Variants in GPC5 observed in about 807,000 individuals in gnomAD.
GPC5 encodes the protein glypican 5.
GPC5 carries 47 observed loss-of-function variants against 53.9 expected under a neutral mutation model. That is an observed-to-expected ratio of 0.87 (90% CI 0.69 to 1.11). The LOEUF (loss-of-function observed/expected upper bound fraction) is 1.11. Ranked by LOEUF, GPC5 falls within the 50% of genes most tolerant of loss-of-function variation. The pLI is 0.00. For missense variants in GPC5, 748 were observed against 713.1 expected (o/e 1.05, Z -0.56); for synonymous variants, 286 against 263.3 (o/e 1.09, Z -0.84).
chr13:92,294,826 CTTT>C (rs147963724), intron 7 of GPC5, among the ~76,000 whole-genome samples: 11,997 of 99,242 alleles, frequency 0.12, 621 homozygotes, highest in Middle Eastern at 0.19. Context: ...TTTTTTTTTT[CTTT>C]TTTTTTTTTT....
At chr13:92,378,326 C>A (rs1169363826) in intron 7 of GPC5, among the ~76,000 whole-genome samples, 2 of 152,102 alleles carry the variant, frequency 1.3e-5, no homozygotes, top group South Asian at 2.1e-4. Flanking sequence ...TTGTATTATA[C>A]AAAGGAGTCC....
intron 5 of GPC5, among the ~76,000 whole-genome samples, chr13:91,833,712 C>T (rs1425624636): frequency 6.6e-6 from 1 of 152,134 alleles, no homozygotes; most frequent in Non-Finnish European, 1.5e-5. Flanking sequence ...TAAAAACTCT[C>T]TCAATAAACT....
Position 92,079,549 on chromosome 13 carries a change from A to G in GPC5, c.1402-65281A>G, listed in dbSNP as rs146135805. Among the ~76,000 whole-genome samples, 8 of 152,310 alleles carry G rather than the reference A, an allele frequency of 5.3e-5. No individual in the cohort carries two copies. The East Asian group carries it at 1.4e-3, about 26-fold the overall frequency. On this transcript the variant is annotated intron_variant, in intron 6 of 7. Coordinates refer to ENST00000377067, the MANE Select transcript of GPC5 (RefSeq NM_004466.6). ...CATCGTGTGATTTAAATGCTCACAG[A>G]GTGGATTAACTCAGTGTCTGCCATG...
At chr13:92,044,484 T>G (rs527393995) in intron 6 of GPC5, among the ~76,000 whole-genome samples, 1 of 152,350 alleles carries the variant, frequency 6.6e-6, no homozygotes, top group East Asian at 1.9e-4. Context: ...TTAATCTGAA[T>G]GCTGGACAGT....
chr13:92,465,525 A>G (rs1878656941), intron 7 of GPC5, among the ~76,000 whole-genome samples: 1 of 152,046 alleles, frequency 6.6e-6, no homozygotes, highest in Non-Finnish European at 1.5e-5. Context: ...AAATTGGGTT[A>G]TCTATTATGC....
At chr13:92,114,891 A>G (rs1353679067) in intron 6 of GPC5, among the ~76,000 whole-genome samples, 3 of 152,176 alleles carry the variant, frequency 2.0e-5, no homozygotes, top group Non-Finnish European at 2.9e-5. Context: ...ATCTACCAAT[A>G]CGTTCTTGAG....
rs2042735493 is a variant in GPC5, at chr13:92,257,546, A to ATTTTTTTTTTTTTTTGTTTT, written c.1561+112572_1561+112573insGTTTTTTTTTTTTTTTTTTT. Reference sequence around the variant, plus strand: ...AGTGAGAGAGGTTTCTAATACAGGGATTTTTTTTTTTTTTTTTTTTTGGGG... The same window carrying ATTTTTTTTTTTTTTTGTTTT: ...AGTGAGAGAGGTTTCTAATACAGGGATTTTTTTTTTTTTTTGTTTTTTTTTTTTTTTTTTTTTTTTTGGGG... On this transcript the variant is annotated intron_variant, in intron 7 of 7. Coordinates refer to ENST00000377067, the MANE Select transcript of GPC5 (RefSeq NM_004466.6). Among the ~76,000 whole-genome samples the ATTTTTTTTTTTTTTTGTTTT allele has an allele frequency of 2.7e-5, 2 of 72,966 alleles. 1 individual carries two copies. The highest frequency in any genetic ancestry group is 1.5e-4 in the African/African-American group (2 of 12,938). 47.9% of individuals were successfully genotyped at this position (72,966 alleles called of 152,430 possible).
chr13:91,829,443 T>G (rs1171478554), intron 5 of GPC5, among the ~76,000 whole-genome samples: 2 of 152,082 alleles, frequency 1.3e-5, no homozygotes, highest in Non-Finnish European at 2.9e-5. Flanking sequence ...GAATGATTTA[T>G]GTTAGTATTA....
At chr13:92,776,572 CT>C (rs1449754553) in intron 7 of GPC5, among the ~76,000 whole-genome samples, 2 of 152,184 alleles carry the variant, frequency 1.3e-5, no homozygotes, top group East Asian at 3.9e-4. Flanking sequence ...AGTCATTGTT[CT>C]GTCTACTCAA....
chr13:92,547,863 G>A (rs1191932664), intron 7 of GPC5, among the ~76,000 whole-genome samples: 3 of 116,886 alleles, frequency 2.6e-5, no homozygotes, highest in South Asian at 2.6e-4. Flanking sequence ...ACGGAATCTC[G>A]CTGTCTCCCA....
At chr13:92,541,733 T>C (rs1365074289) in intron 7 of GPC5, among the ~76,000 whole-genome samples, 1 of 151,912 alleles carries the variant, frequency 6.6e-6, no homozygotes. Context: ...TTTCTAACTT[T>C]TTTGTTTGTT....
intron 7 of GPC5, among the ~76,000 whole-genome samples, chr13:92,851,443 ACAAAAGAGGCATGAGACATGGCTT>A (rs1468159533): frequency 1.1e-4 from 16 of 152,204 alleles, no homozygotes; most frequent in Non-Finnish European, 1.5e-4. Flanking sequence ...GGAAACAAAG[ACAAAAGAGGCATGAGACATGGCTT>A]TTGATCTATA....
intron 7 of GPC5, among the ~76,000 whole-genome samples, chr13:92,451,213 C>T (rs1217137381): frequency 3.9e-5 from 6 of 152,094 alleles, no homozygotes; most frequent in Non-Finnish European, 7.4e-5. Context: ...TAGTGGTAGG[C>T]AGGATTCAAA....
chr13:92,387,710 AT>A (rs778376381), intron 7 of GPC5, among the ~76,000 whole-genome samples: 3 of 152,146 alleles, frequency 2.0e-5, no homozygotes, highest in Non-Finnish European at 4.4e-5. Flanking sequence ...CTGGAATCAG[AT>A]TTTATGGGTG....
chr13:91,815,715 A>G (rs746969409), intron 5 of GPC5, among the ~76,000 whole-genome samples: 9 of 152,278 alleles, frequency 5.9e-5, no homozygotes, highest in Non-Finnish European at 1.0e-4. Flanking sequence ...ACTTAAGACT[A>G]AAACAGTGCT....
At chr13:91,731,492 T>C (rs16946647) in intron 4 of GPC5, among the ~76,000 whole-genome samples, 10,186 of 152,132 alleles carry the variant, frequency 0.067, 346 homozygotes, top group Middle Eastern at 0.089. Flanking sequence ...AACTTTTAGG[T>C]GGTTTATTTT....
chr13:92,628,264 C>CTTTCTTTTTT (rs1885115304), intron 7 of GPC5, among the ~76,000 whole-genome samples: 3 of 45,338 alleles, frequency 6.6e-5, no homozygotes, highest in Admixed American at 2.8e-4. Context: ...CTTTTTCTTT[C>CTTTCTTTTTT]TTTTTTTTTT....
intron 7 of GPC5, among the ~76,000 whole-genome samples, chr13:92,322,569 T>G (rs1330810687): frequency 2.0e-5 from 3 of 152,326 alleles, no homozygotes; most frequent in Non-Finnish European, 2.9e-5. Flanking sequence ...AGATTGCATC[T>G]CTTTGCTATT....
intron 5 of GPC5, among the ~76,000 whole-genome samples, chr13:91,832,216 A>C (rs1003757082): frequency 6.6e-6 from 1 of 151,638 alleles, no homozygotes; most frequent in African/African-American, 2.4e-5. Context: ...ATGCAACTTC[A>C]ATGTAATGCT....
Sources: gnomAD v4.1 joint callset for allele counts (sites outside exome capture counted in the v4.1 genomes callset) on GRCh38, gnomAD v4.1.1 for gene constraint, MANE v1.5 for transcripts, NCBI Gene and HGNC (gene_info 2026-07-23, HGNC 2026-07-21) for gene names.